Variants in LOC128092252 observed in about 807,000 individuals in gnomAD.
the LOC128092252 span, among the ~76,000 whole-genome samples, chr15:50,676,101 CA>C: frequency 1.3e-5 from 2 of 152,138 alleles, no homozygotes; most frequent in Non-Finnish European, 2.9e-5. Flanking sequence ...GTGATCACTT[CA>C]AAACTCCTTA....
At chr15:50,664,290 C>G in the LOC128092252 span, among the ~76,000 whole-genome samples, 1 of 116,148 alleles carries the variant, frequency 8.6e-6, no homozygotes, top group Non-Finnish European at 1.6e-5. Context: ...AGCCTGGCGA[C>G]AGAGCAAGAC....
At chr15:50,656,173 TA>T in the LOC128092252 span, among the ~76,000 whole-genome samples, 11,266 of 152,162 alleles carry the variant, frequency 0.074, 541 homozygotes, top group Non-Finnish European at 0.11. Context: ...AAATGCTAAA[TA>T]AAAGAAACTC....
chr15:50,677,204 A>G, the LOC128092252 span, among the ~76,000 whole-genome samples: 14 of 152,128 alleles, frequency 9.2e-5, no homozygotes, highest in Admixed American at 8.5e-4. Flanking sequence ...CACACAGTGA[A>G]GAGGGAGTGA....
the LOC128092252 span, among the ~76,000 whole-genome samples, chr15:50,682,384 C>T: frequency 6.6e-6 from 1 of 151,772 alleles, no homozygotes; most frequent in East Asian, 1.9e-4. Context: ...TCGAGACCAG[C>T]CTGGCCAACA....
At chr15:50,672,931 T>C in the LOC128092252 span, among the ~76,000 whole-genome samples, 2 of 136,762 alleles carry the variant, frequency 1.5e-5, no homozygotes, top group East Asian at 2.1e-4. Flanking sequence ...AAAAAGCTTA[T>C]AGAATAAGTA....
the LOC128092252 span, chr15:50,657,853 A>C: frequency 1.9e-6 from 3 of 1,581,496 alleles, no homozygotes; most frequent in Non-Finnish European, 2.6e-6. Flanking sequence ...AAATTATTTC[A>C]GGTGAAAAAC....
the LOC128092252 span, among the ~76,000 whole-genome samples, chr15:50,665,529 C>T: frequency 6.6e-6 from 1 of 151,986 alleles, no homozygotes; most frequent in South Asian, 2.1e-4. Flanking sequence ...TTTTAAACCA[C>T]CAACATTCAA....
the LOC128092252 span, among the ~76,000 whole-genome samples, chr15:50,684,058 G>T: frequency 6.6e-6 from 1 of 151,836 alleles, no homozygotes; most frequent in Non-Finnish European, 1.5e-5. Flanking sequence ...CACCATGTTG[G>T]CCAGGCTAGT....
chr15:50,664,264 C>A, the LOC128092252 span, among the ~76,000 whole-genome samples: 9 of 147,346 alleles, frequency 6.1e-5, no homozygotes, highest in African/African-American at 2.0e-4. Flanking sequence ...GAGCCGAGAT[C>A]GCGCCACTGC....
chr15:50,683,134 C>T, the LOC128092252 span, among the ~76,000 whole-genome samples: 12 of 151,696 alleles, frequency 7.9e-5, no homozygotes, highest in African/African-American at 1.7e-4. Flanking sequence ...GGGATCCACC[C>T]GCCTCAGTCT....
the LOC128092252 span, among the ~76,000 whole-genome samples, chr15:50,672,406 T>C: frequency 3.3e-5 from 5 of 151,730 alleles, no homozygotes; most frequent in African/African-American, 1.2e-4. Flanking sequence ...GGCAGGTCCT[T>C]CAGGAAGTAT....
chr15:50,663,162 CTT>C, the LOC128092252 span: 1 of 771,538 alleles, frequency 1.3e-6, no homozygotes, highest in Non-Finnish European at 2.1e-6. Context: ...GAGTTTTGCT[CTT>C]GTTGCCCAGA....
the LOC128092252 span, among the ~76,000 whole-genome samples, chr15:50,660,228 A>G: frequency 6.6e-6 from 1 of 152,208 alleles, no homozygotes; most frequent in Non-Finnish European, 1.5e-5. Flanking sequence ...AAGGTTATCT[A>G]TTTTAATGAT....
At chr15:50,650,915 G>A in the LOC128092252 span, among the ~76,000 whole-genome samples, 4 of 152,210 alleles carry the variant, frequency 2.6e-5, no homozygotes, top group Non-Finnish European at 5.9e-5. Flanking sequence ...TTGGCCGGGC[G>A]TGGTAGCTCA....
At chr15:50,686,481 G>A in the LOC128092252 span, 1 of 1,613,804 alleles carries the variant, frequency 6.2e-7, no homozygotes, top group Non-Finnish European at 8.5e-7. Flanking sequence ...CTCCTTTACC[G>A]CCCGCAACCC....
At chr15:50,667,564 G>T in the LOC128092252 span, among the ~76,000 whole-genome samples, 1 of 152,094 alleles carries the variant, frequency 6.6e-6, no homozygotes, top group Non-Finnish European at 1.5e-5. Flanking sequence ...AAAATTAGCT[G>T]GGAATGGTGC....
the LOC128092252 span, among the ~76,000 whole-genome samples, chr15:50,659,793 A>C: frequency 1.3e-5 from 2 of 151,868 alleles, no homozygotes; most frequent in Middle Eastern, 3.4e-3. Flanking sequence ...TCAGCCTCCC[A>C]AGTAGCTGGG....
At chr15:50,679,346 A>C in the LOC128092252 span, among the ~76,000 whole-genome samples, 1 of 150,238 alleles carries the variant, frequency 6.7e-6, no homozygotes, top group African/African-American at 2.5e-5. Context: ...AAAAAACAAA[A>C]CAGAAAACTT....
chr15:50,680,429 A>G, the LOC128092252 span, among the ~76,000 whole-genome samples: 4 of 150,844 alleles, frequency 2.7e-5, no homozygotes, highest in African/African-American at 9.8e-5. Context: ...AAGTAGCCCA[A>G]TGTGGTGGCG....
Sources: allele counts gnomAD v4.1 joint callset (sites outside exome capture counted in the v4.1 genomes callset), GRCh38; gene constraint gnomAD v4.1.1; transcripts MANE v1.5.